KLF3: variants seen among roughly 807,000 people sequenced by gnomAD.
KLF3 encodes Krueppel-like factor 3.
A neutral mutation model predicts 32.7 loss-of-function variants in KLF3; 6 were observed. The observed-to-expected ratio is 0.18, with a 90% confidence interval of 0.10 to 0.36. The LOEUF (loss-of-function observed/expected upper bound fraction) is 0.36. Ranked by LOEUF, KLF3 falls within the 10% of genes least tolerant of loss-of-function variation. The probability of loss-of-function intolerance (pLI) is 1.00; values close to 1 mark genes in which losing one functional copy is unlikely to be tolerated. For synonymous variants in KLF3, 145 were observed against 172.8 expected, an observed-to-expected ratio of 0.84 and a Z score of 1.26; for missense variants, 338 against 449.7, an observed-to-expected ratio of 0.75 and a Z score of 2.25.
intron 2 of KLF3, among the ~76,000 whole-genome samples, chr4:38,685,537 G>A (rs1459707124): frequency 6.6e-6 from 1 of 152,122 alleles, no homozygotes; most frequent in Non-Finnish European, 1.5e-5. Flanking sequence ...TGCAAATCTG[G>A]AGGTTCTAAA....
chr4:38,686,142 G>T (rs941287247), intron 2 of KLF3, among the ~76,000 whole-genome samples: 7 of 151,734 alleles, frequency 4.6e-5, no homozygotes, highest in African/African-American at 1.7e-4. Flanking sequence ...TTGTTTTTAA[G>T]CAGTATTAGT....
chr4:38,684,883 C>G (rs902266475), intron 2 of KLF3, among the ~76,000 whole-genome samples: 5 of 152,238 alleles, frequency 3.3e-5, no homozygotes, highest in African/African-American at 1.2e-4. Context: ...CCCTTAAGAT[C>G]CCTAGTGGGG....
At chr4:38,694,488 G>A (rs969955122) in intron 4 of KLF3, among the ~76,000 whole-genome samples, 9 of 152,086 alleles carry the variant, frequency 5.9e-5, no homozygotes, top group Non-Finnish European at 1.2e-4. Flanking sequence ...TGAGCTCCTC[G>A]AGGGCAGGAA....
Position 38,674,430 on chromosome 4 carries a change from C to A in KLF3, c.-39-6157C>A, listed in dbSNP as rs1192641623. 7.3e-6 allele frequency among the ~76,000 whole-genome samples: 1 copy of A among 136,692 alleles called. No individual in the cohort carries two copies. Among genetic ancestry groups the A allele is most frequent in the African/African-American group, 2.6e-5 (1 of 37,824 alleles). The allele number at this position is 136,692 out of a possible 152,430, so 89.7% of individuals were successfully genotyped here. A position where few individuals can be genotyped will look rare whatever the true frequency, so the allele number is the denominator to read the frequency against. ...AGAATTACACACACACATGCACACA[C>A]CGCCTTTTTTTTTTTTCTTTTTTTG... On this transcript the variant is annotated intron_variant, in intron 1 of 5. Coordinates refer to ENST00000261438, the MANE Select transcript of KLF3 (RefSeq NM_016531.6). The surrounding 1 kb of genome is among the most constrained non-coding windows in gnomAD (Gnocchi z 4.1).
intron 4 of KLF3, among the ~76,000 whole-genome samples, chr4:38,693,055 T>C (rs189461467): frequency 6.2e-5 from 9 of 144,926 alleles, no homozygotes; most frequent in Admixed American, 5.5e-4. Flanking sequence ...TGTTTGCACA[T>C]ATATATATAT....
chr4:38,665,467 A>G (rs1451568530), intron 1 of KLF3, among the ~76,000 whole-genome samples: 3 of 152,226 alleles, frequency 2.0e-5, no homozygotes, highest in Non-Finnish European at 4.4e-5. Flanking sequence ...TTTAAATTTT[A>G]TAGCAGTATA....
intron 2 of KLF3, among the ~76,000 whole-genome samples, chr4:38,686,893 G>C (rs10025562): frequency 0.11 from 16,554 of 152,170 alleles, 2,041 homozygotes; most frequent in African/African-American, 0.27. Context: ...CTGGGCATCT[G>C]GAATTTTAAA....
At chr4:38,680,979 G>C (rs1722505863) in intron 2 of KLF3, 2 of 260,612 alleles carry the variant, frequency 7.7e-6, no homozygotes, top group Non-Finnish European at 1.6e-5. Flanking sequence ...GAACCCGGGA[G>C]ATGTAGGTTA....
At chr4:38,685,123 A>G (rs745474569) in intron 2 of KLF3, among the ~76,000 whole-genome samples, 4 of 152,202 alleles carry the variant, frequency 2.6e-5, no homozygotes, top group Non-Finnish European at 5.9e-5. Flanking sequence ...ACTGTCTGGA[A>G]CAGAGCGGGG....
intron 1 of KLF3, among the ~76,000 whole-genome samples, chr4:38,672,087 G>A (rs980806562): frequency 2.0e-4 from 31 of 152,166 alleles, no homozygotes; most frequent in African/African-American, 6.5e-4. Flanking sequence ...GCTAAGGTTA[G>A]GGGCAATAAC....
intron 1 of KLF3, among the ~76,000 whole-genome samples, chr4:38,679,044 C>T (rs1447269114): frequency 6.6e-6 from 1 of 152,072 alleles, no homozygotes; most frequent in African/African-American, 2.4e-5. Context: ...TAGAAGTGGA[C>T]TGTACAGAAC....
Position 38,696,210 on chromosome 4 carries a change from G to A in KLF3, c.857-872G>A, listed in dbSNP as rs1037917789. ...GGAAAAAAAAAAAAAAAAAAAAAAC[G>A]CCTCTTTGTGTGTGTATTCTGTACC... On this transcript the variant is annotated intron_variant, in intron 5 of 5. Coordinates refer to ENST00000261438, the MANE Select transcript of KLF3 (RefSeq NM_016531.6). 8.4e-4 allele frequency among the ~76,000 whole-genome samples: 103 copies of A among 123,088 alleles called. 1 individual carries two copies. Among genetic ancestry groups the A allele is most frequent in the African/African-American group, 2.6e-3 (85 of 32,212 alleles). The allele number at this position is 123,088 out of a possible 152,430, so 80.8% of individuals were successfully genotyped here.
intron 1 of KLF3, among the ~76,000 whole-genome samples, chr4:38,678,271 C>G (rs1159108074): frequency 1.3e-5 from 2 of 152,184 alleles, no homozygotes; most frequent in East Asian, 1.9e-4. Flanking sequence ...TTATGGTCCA[C>G]TGTGAGGCAC....
In KLF3 at chr4:38,680,789, G is replaced by A. The variant is rs368232443; in HGVS notation, c.57+107G>A. 30 of 828,900 alleles carry A rather than the reference G, an allele frequency of 3.6e-5. No individual in the cohort carries two copies. In the Admixed American group the frequency reaches 4.4e-4, roughly 12 times the overall value. 51.3% of individuals were successfully genotyped at this position (828,900 alleles called of 1,614,324 possible). ...ATCATGGCCGGGCGTGGTGGCTCAC[G>A]CCTGTAATCCCAGCACTTTGGGAGA... On this transcript the variant is annotated intron_variant, in intron 2 of 5. Coordinates refer to ENST00000261438, the MANE Select transcript of KLF3 (RefSeq NM_016531.6).
At chr4:38,669,450 A>C (rs1203451170) in intron 1 of KLF3, among the ~76,000 whole-genome samples, 1 of 152,120 alleles carries the variant, frequency 6.6e-6, no homozygotes, top group East Asian at 1.9e-4. Flanking sequence ...TGCCCTGATA[A>C]GGGACAGCAT....
chr4:38,689,948 A>G, intron 4 of KLF3, 69 bp downstream of exon 4: 2 of 1,478,044 alleles, frequency 1.4e-6, no homozygotes, highest in Non-Finnish European at 1.8e-6. Context: ...GCAGAAGCAC[A>G]AGATTTCACA....
chr4:38,667,784 G>A (rs1331321118), intron 1 of KLF3, among the ~76,000 whole-genome samples: 1 of 152,182 alleles, frequency 6.6e-6, no homozygotes, highest in Non-Finnish European at 1.5e-5. Flanking sequence ...GTTTAACCCA[G>A]GCTGCTCCAG....
intron 1 of KLF3, among the ~76,000 whole-genome samples, chr4:38,679,039 G>T (rs1264390030): frequency 3.9e-5 from 6 of 152,210 alleles, no homozygotes; most frequent in Admixed American, 3.9e-4. Context: ...AGTGTTAGAA[G>T]TGGACTGTAC....
At chr4:38,675,832 A>G (rs7688346) in intron 1 of KLF3, among the ~76,000 whole-genome samples, 43,596 of 152,122 alleles carry the variant, frequency 0.29, 8,492 homozygotes, top group African/African-American at 0.55. Context: ...TGAGCCGCCC[A>G]TGGGTACCAA....
Sources: allele counts gnomAD v4.1 joint callset (sites outside exome capture counted in the v4.1 genomes callset), GRCh38; gene constraint gnomAD v4.1.1; non-coding constraint Gnocchi (gnomAD v3.1); transcripts MANE v1.5; gene names NCBI Gene and HGNC (gene_info 2026-07-23, HGNC 2026-07-21).